SPATA3: variants seen among roughly 807,000 people sequenced by gnomAD.
SPATA3 encodes spermatogenesis-associated protein 3.
A neutral mutation model predicts 5.7 loss-of-function variants in SPATA3; 6 were observed. That is an observed-to-expected ratio of 1.06 (90% CI 0.58 to 2.09). The LOEUF is 2.09. SPATA3 is among the 30% of genes most tolerant of loss of function. The pLI is 0.00. For missense variants in SPATA3, 155 were observed against 130.4 expected (o/e 1.19, Z -0.92); for synonymous variants, 44 against 48.4 (o/e 0.91, Z 0.37).
intron 1 of SPATA3, chr2:230,996,383 C>T (rs1008889298): frequency 3.9e-6 from 6 of 1,546,408 alleles, no homozygotes; most frequent in South Asian, 3.6e-5. Flanking sequence ...AGCAGCCTAG[C>T]CCTGAATCCA....
At chr2:231,008,529 G>A (rs1383176761), downstream of SPATA3, among the ~76,000 whole-genome samples, 4 of 152,294 alleles carry the variant, frequency 2.6e-5, no homozygotes, top group Middle Eastern at 3.4e-3. Context: ...GGATGGGCCA[G>A]GCTGGAGCCC....
intron 1 of SPATA3, among the ~76,000 whole-genome samples, chr2:230,997,403 GC>G (rs1574654228): frequency 6.6e-6 from 1 of 152,268 alleles, no homozygotes; most frequent in East Asian, 1.9e-4. Context: ...TTTGTAAATT[GC>G]CTAGTCTCAG....
chr2:231,000,310 C>G (rs141364401), intron 1 of SPATA3, 56 bp from the exon 2 acceptor site: 8 of 1,388,282 alleles, frequency 5.8e-6, no homozygotes, highest in Non-Finnish European at 7.6e-6. Context: ...CAGACTCCCC[C>G]GCCCCAGCCT....
At chr2:230,999,757 T>C (rs933852853) in intron 1 of SPATA3, 1 of 169,196 alleles carries the variant, frequency 5.9e-6, no homozygotes, top group Non-Finnish European at 1.5e-5. Flanking sequence ...ATGCTCTAGA[T>C]CAATGGAACG....
At chr2:231,002,562 A>C in intron 2 of SPATA3, 122 bp from the exon 3 acceptor site, 1 of 537,910 alleles carries the variant, frequency 1.9e-6, no homozygotes, top group South Asian at 3.4e-5. Flanking sequence ...AGGAGTTTGG[A>C]GAGGGGGAAG....
intron 6 of SPATA3, among the ~76,000 whole-genome samples, chr2:231,015,793 C>T (rs1692919594): frequency 6.6e-6 from 1 of 152,228 alleles, no homozygotes; most frequent in Non-Finnish European, 1.5e-5. Flanking sequence ...TTCACAAGCT[C>T]CAAGGCCTGG....
At chr2:231,003,600 G>T (rs1043399748), downstream of SPATA3, among the ~76,000 whole-genome samples, 2 of 152,174 alleles carry the variant, frequency 1.3e-5, no homozygotes, top group Non-Finnish European at 2.9e-5. Flanking sequence ...GCTCCTCCTT[G>T]TCAGTGCTTT....
intron 1 of SPATA3, among the ~76,000 whole-genome samples, chr2:230,998,001 C>T (rs1481651415): frequency 2.0e-5 from 3 of 152,126 alleles, no homozygotes; most frequent in Non-Finnish European, 4.4e-5. Context: ...GAAGGGAAAC[C>T]CACTCTATTC....
At chr2:231,012,145 G>A (rs1001390557), downstream of SPATA3, among the ~76,000 whole-genome samples, 1 of 152,190 alleles carries the variant, frequency 6.6e-6, no homozygotes, top group African/African-American at 2.4e-5. Flanking sequence ...AGTGTCCAAG[G>A]CAGAGAGCCA....
At chr2:230,996,260 A>G in intron 1 of SPATA3, 1 of 1,527,614 alleles carries the variant, frequency 6.5e-7, no homozygotes, top group Non-Finnish European at 8.8e-7. Flanking sequence ...AGAAAAGGTC[A>G]GAGGCCAGAC....
At chr2:231,003,562 A>G (rs1490061846), downstream of SPATA3, among the ~76,000 whole-genome samples, 1 of 152,238 alleles carries the variant, frequency 6.6e-6, no homozygotes, top group East Asian at 1.9e-4. Flanking sequence ...AGTTAGTCTC[A>G]GCAGAGGGGA....
chr2:230,998,064 G>T (rs1692194171), intron 1 of SPATA3, among the ~76,000 whole-genome samples: 1 of 152,116 alleles, frequency 6.6e-6, no homozygotes, highest in South Asian at 2.1e-4. Flanking sequence ...CATTCCAAGA[G>T]GCCTAGGAGT....
At chr2:231,013,190 TC>T (rs1180982276) in intron 5 of SPATA3, among the ~76,000 whole-genome samples, 1 of 151,962 alleles carries the variant, frequency 6.6e-6, no homozygotes, top group East Asian at 1.9e-4. Flanking sequence ...ACCAGCGCCC[TC>T]TTGAGTATCC....
At chr2:231,006,040 A>T (rs1252518564), downstream of SPATA3, among the ~76,000 whole-genome samples, 1 of 151,570 alleles carries the variant, frequency 6.6e-6, no homozygotes, top group Non-Finnish European at 1.5e-5. Context: ...AAAAAAGATT[A>T]AAAAATTAGC....
chr2:231,001,583 G>C (rs1176325942), intron 2 of SPATA3, among the ~76,000 whole-genome samples: 1 of 152,110 alleles, frequency 6.6e-6, no homozygotes, highest in Non-Finnish European at 1.5e-5. Context: ...TCAAGGAAAG[G>C]TCTGCCTGCC....
chr2:231,015,546 A>T (rs1446832503), intron 6 of SPATA3, among the ~76,000 whole-genome samples: 2 of 152,194 alleles, frequency 1.3e-5, no homozygotes, highest in African/African-American at 4.8e-5. Flanking sequence ...TAGAGGCAAG[A>T]GGAGGCAGCA....
intron 1 of SPATA3, 107 bp downstream of exon 1, chr2:230,996,641 C>CA: frequency 7.3e-7 from 1 of 1,372,134 alleles, no homozygotes; most frequent in Non-Finnish European, 9.8e-7. Context: ...TAACGTGTAT[C>CA]CTGGAGCTGT....
intron 6 of SPATA3, among the ~76,000 whole-genome samples, chr2:231,019,409 C>CACCAG (rs1470268106): frequency 2.0e-5 from 3 of 149,930 alleles, no homozygotes; most frequent in East Asian, 2.1e-4. Context: ...CTGCAAGCTC[C>CACCAG]GCCTCCCGGG....
intron 6 of SPATA3, among the ~76,000 whole-genome samples, chr2:231,016,203 T>A (rs1692930680): frequency 6.6e-6 from 1 of 152,160 alleles, no homozygotes; most frequent in South Asian, 2.1e-4. Flanking sequence ...CAGACAAGCC[T>A]CTAAATGAGT....
Sources: gnomAD v4.1 joint callset for allele counts (sites outside exome capture counted in the v4.1 genomes callset) on GRCh38, gnomAD v4.1.1 for gene constraint, MANE v1.5 for transcripts, NCBI Gene and HGNC (gene_info 2026-07-23, HGNC 2026-07-21) for gene names.